FAM216B: variants seen among roughly 807,000 people sequenced by gnomAD.
The protein encoded by FAM216B is protein FAM216B.
Under a neutral mutation model 12.9 loss-of-function variants are expected in FAM216B, and 11 were observed. The observed-to-expected ratio is 0.86, with a 90% confidence interval of 0.54 to 1.42. The LOEUF is 1.42. Among genes scored for constraint, FAM216B ranks in the 40% most tolerant of loss-of-function variants. FAM216B has a pLI of 0.00. For synonymous variants in FAM216B, 52 were observed against 57.2 expected, an observed-to-expected ratio of 0.91 and a Z score of 0.41; for missense variants, 167 against 162.9, an observed-to-expected ratio of 1.02 and a Z score of -0.14.
chr13:42,787,840 A>G (rs1356233022), intron 3 of FAM216B, among the ~76,000 whole-genome samples: 1 of 152,244 alleles, frequency 6.6e-6, no homozygotes, highest in Non-Finnish European at 1.5e-5. Context: ...CTTTGCAGGT[A>G]TTGTATTTAA....
In FAM216B at chr13:42,786,804, G is replaced by A. The variant is rs777148622; in HGVS notation, c.141G>A (p.Met47Ile). Residue 47 changes from methionine (M) to isoleucine (I), a missense_variant, in exon 3 of 4, where the codon ATG becomes ATA. Transcript: ENST00000313851. The stretch of plus-strand genomic sequence containing the variant: ...AACAGCGCTACTTTTACAGCATTAT[G>A]AGGATTTACAACTCCAGGCCCCAGT... ...QGQQRYFYSI[M>I]RIYNSRPQWE... The A allele has an allele frequency of 3.1e-6, 5 of 1,614,048 alleles. No homozygotes were observed. The highest frequency in any genetic ancestry group is 4.2e-6 in the Non-Finnish European group (5 of 1,179,966).
At chr13:42,783,622 T>C (rs1487064463) in intron 1 of FAM216B, among the ~76,000 whole-genome samples, 1 of 152,160 alleles carries the variant, frequency 6.6e-6, no homozygotes, top group Non-Finnish European at 1.5e-5. Context: ...GCTCAACTTG[T>C]ATGAGTAATC....
At chr13:42,787,402 T>C (rs1002118042) in intron 3 of FAM216B, among the ~76,000 whole-genome samples, 2 of 152,220 alleles carry the variant, frequency 1.3e-5, no homozygotes, top group Admixed American at 6.5e-5. Flanking sequence ...AGGTAATAAA[T>C]GTCTGTTAGG....
chr13:42,788,340 A>G (rs9533246), intron 3 of FAM216B, among the ~76,000 whole-genome samples: 23,655 of 152,190 alleles, frequency 0.16, 1,917 homozygotes, highest in Middle Eastern at 0.2. Flanking sequence ...GATATCGAAG[A>G]TATCATGGCT....
chr13:42,786,612 T>A, intron 2 of FAM216B, 151 bp from the exon 3 acceptor site: 1 of 942,862 alleles, frequency 1.1e-6, no homozygotes, highest in Non-Finnish European at 1.5e-6. Flanking sequence ...ACTCCCCAGT[T>A]GTTATTTTCC....
chr13:42,784,941 T>C (rs1031965380), intron 2 of FAM216B, among the ~76,000 whole-genome samples: 3 of 152,156 alleles, frequency 2.0e-5, no homozygotes, highest in Non-Finnish European at 1.5e-5. Flanking sequence ...TAATGTTACC[T>C]GTTACTTCTC....
Position 42,786,866 on chromosome 13 carries a change from A to C in FAM216B, c.203A>C (p.Gln68Pro). The change falls in exon 3 of 4, where the codon CAG (glutamine) becomes CCG (proline). Residue 68 changes from glutamine (Q) to proline (P), a missense_variant. Physicochemically the swap from Gln to Pro is moderately conservative, Grantham distance 76. Transcript: ENST00000313851. ...ALQTRYIHSL[Q>P]HQQLLGYITQ... ...CAGACCCGCTACATTCACAGCCTTC[A>C]GCACCAACAGCTGCTTGGTAAGTTT... is the stretch of plus-strand genomic sequence containing the variant. 1 of 1,613,968 alleles carries C rather than the reference A, an allele frequency of 6.2e-7. No homozygotes were observed. The highest frequency in any genetic ancestry group is 8.5e-7 in the Non-Finnish European group (1 of 1,179,872).
chr13:42,790,001 G>A lies in FAM216B; in HGVS notation c.*1211G>A, dbSNP rs916729601. 2.0e-5 allele frequency: 3 copies of A among 152,144 alleles called. No homozygotes were observed. Among genetic ancestry groups the A allele is most frequent in the African/African-American group, 7.2e-5 (3 of 41,438 alleles). 9.4% of individuals were successfully genotyped at this position (152,144 alleles called of 1,614,324 possible). On this transcript the variant is annotated 3_prime_UTR_variant, in exon 4 of 4. Coordinates refer to ENST00000313851, the MANE Select transcript of FAM216B (RefSeq NM_001318932.2). ...TTCTTTGGGAGGAATGGGAAGTGTG[G>A]TTGGCCCACTAGTCTGATAAGAAGT...
At chr13:42,788,165 TTC>T (rs2138036885) in intron 3 of FAM216B, among the ~76,000 whole-genome samples, 1 of 152,332 alleles carries the variant, frequency 6.6e-6, no homozygotes, top group East Asian at 1.9e-4. Context: ...CCCTCTGAGT[TTC>T]TGATTCAGAA....
rs959029344 is a variant in FAM216B at position 42,786,847 on chromosome 13, C to G, written c.184C>G (p.Arg62Gly). 5 of 1,613,868 alleles carry G rather than the reference C, an allele frequency of 3.1e-6. No individual in the cohort carries two copies. Among genetic ancestry groups the G allele is most frequent in the African/African-American group, 1.3e-5 (1 of 74,892 alleles). ...GCCCCAGTGGGAGGCCCTGCAGACC[C>G]GCTACATTCACAGCCTTCAGCACCA... ...SRPQWEALQT[R>G]YIHSLQHQQL... Residue 62 changes from arginine to glycine, a missense_variant, in exon 3 of 4, where the codon CGC (arginine) becomes GGC (glycine). By Grantham distance (125) the Arg-to-Gly change is moderately radical. Coordinates refer to ENST00000313851, the MANE Select transcript of FAM216B (RefSeq NM_001318932.2).
intron 1 of FAM216B, among the ~76,000 whole-genome samples, chr13:42,782,887 C>T (rs1873914459): frequency 6.6e-6 from 1 of 151,236 alleles, no homozygotes; most frequent in Non-Finnish European, 1.5e-5. Context: ...AGGCATACTA[C>T]ACTGCCACTA....
At chr13:42,787,349 T>C (rs936442144) in intron 3 of FAM216B, among the ~76,000 whole-genome samples, 1 of 152,210 alleles carries the variant, frequency 6.6e-6, no homozygotes, top group East Asian at 1.9e-4. Context: ...CTGTAGAAAA[T>C]GGAAGCTCAG....
In FAM216B at chr13:42,783,121, G is replaced by C. The variant is rs907072864; in HGVS notation, c.-14-933G>C. On this transcript the variant is annotated intron_variant, in intron 1 of 3. Transcript: ENST00000313851. Reference sequence around the variant, plus strand: ...CCCAGGAGTTTGAGACCAGCCCAGGGAACATAGGGAGATCTTATCTCTACT... The same window carrying C: ...CCCAGGAGTTTGAGACCAGCCCAGGCAACATAGGGAGATCTTATCTCTACT... Among the ~76,000 whole-genome samples the C allele has an allele frequency of 2.0e-5, 3 of 151,930 alleles. No individual in the cohort carries two copies. The South Asian group carries it at 6.2e-4, about 32-fold the overall frequency.
Position 42,788,900 on chromosome 13 carries a change from C to T in FAM216B, c.*110C>T. 1 of 1,089,046 alleles carries T rather than the reference C, an allele frequency of 9.2e-7. No homozygotes were observed. The highest frequency in any genetic ancestry group is 1.3e-6 in the Non-Finnish European group (1 of 790,112). 67.5% of individuals were successfully genotyped at this position (1,089,046 alleles called of 1,614,324 possible). ...CAGTGAATAATTTCTAATATAAACC[C>T]CAGACCTAAAAATAATCTCTGATTC... On this transcript the variant is annotated 3_prime_UTR_variant, in exon 4 of 4. Coordinates refer to ENST00000313851, the MANE Select transcript of FAM216B (RefSeq NM_001318932.2).
intron 2 of FAM216B, among the ~76,000 whole-genome samples, chr13:42,784,392 C>G (rs1040512989): frequency 4.1e-4 from 63 of 152,134 alleles, no homozygotes; most frequent in Admixed American, 7.9e-4. Flanking sequence ...TAGACGGTCA[C>G]CTCTTCGTGG....
rs757825686 is a variant in FAM216B, at chr13:42,786,876, G to A, written c.213G>A (p.Gln71=). The A allele has an allele frequency of 1.9e-6, 3 of 1,613,652 alleles. No homozygotes were observed. The highest frequency in any genetic ancestry group is 2.5e-6 in the Non-Finnish European group (3 of 1,179,776). ...TRYIHSLQHQ[Q]LLGYITQREA... ...ACATTCACAGCCTTCAGCACCAACA[G>A]CTGCTTGGTAAGTTTAACTACGTGA... Residue 71 remains glutamine, a synonymous_variant, in exon 3 of 4, where the codon CAG becomes CAA. Coordinates refer to ENST00000313851, the MANE Select transcript of FAM216B (RefSeq NM_001318932.2).
intron 1 of FAM216B, among the ~76,000 whole-genome samples, chr13:42,783,517 T>C (rs1456497519): frequency 6.6e-6 from 1 of 152,032 alleles, no homozygotes. Context: ...CAAAATCCAA[T>C]ATGCTCCAAT....
rs1304985629 is a variant in FAM216B at position 42,784,770 on chromosome 13, G to A, written c.99+604G>A. Among the ~76,000 whole-genome samples the A allele has an allele frequency of 2.6e-5, 4 of 151,264 alleles. No homozygotes were observed. In the South Asian group the frequency reaches 6.3e-4, roughly 24 times the overall value. ...AATGGCGTGAACTCGGGAGGCAGAGGTTGCAGTGAGCCGAGATCGCGCCAC... is the reference window on the plus strand; with the variant it reads ...AATGGCGTGAACTCGGGAGGCAGAGATTGCAGTGAGCCGAGATCGCGCCAC... On this transcript the variant is annotated intron_variant, in intron 2 of 3. Transcript: ENST00000313851.
chr13:42,789,900 A>G lies in FAM216B; in HGVS notation c.*1110A>G, dbSNP rs1874254547. On this transcript the variant is annotated 3_prime_UTR_variant, in exon 4 of 4. Transcript: ENST00000313851. ...CTTCTCTTTGCAATCATGAACATAT[A>G]AGATATAAAAATTGTCATGAGATTC... 6.6e-6 allele frequency: 1 copy of G among 152,166 alleles called. No homozygotes were observed. Among genetic ancestry groups the G allele is most frequent in the African/African-American group, 2.4e-5 (1 of 41,446 alleles). 9.4% of individuals were successfully genotyped at this position (152,166 alleles called of 1,614,324 possible).
Sources: allele counts gnomAD v4.1 joint callset (sites outside exome capture counted in the v4.1 genomes callset), GRCh38; gene constraint gnomAD v4.1.1; transcripts MANE v1.5; gene names NCBI Gene and HGNC (gene_info 2026-07-23, HGNC 2026-07-21).